The following CHCHD3 variants were observed in gnomAD, a reference collection of about 807,000 sequenced individuals.
CHCHD3 encodes coiled-coil-helix-coiled-coil-helix domain containing 3.
A neutral mutation model predicts 38.2 loss-of-function variants in CHCHD3; 20 were observed. That is an observed-to-expected ratio of 0.52 (90% CI 0.37 to 0.76). CHCHD3 has a LOEUF of 0.76. Among genes scored for constraint, CHCHD3 ranks in the 30% least tolerant of loss-of-function variants. The pLI is 0.00. For synonymous variants in CHCHD3, 82 were observed against 100.0 expected (o/e 0.82, Z 1.07); for missense variants, 245 against 279.2 (o/e 0.88, Z 0.87).
chr7:132,853,844 G>T (rs1326946017), intron 5 of CHCHD3, among the ~76,000 whole-genome samples: 1 of 152,136 alleles, frequency 6.6e-6, no homozygotes, highest in Non-Finnish European at 1.5e-5. Flanking sequence ...TCACCTAACA[G>T]AAAATACCAT....
At chr7:132,853,253 T>C (rs1585572912) in intron 5 of CHCHD3, among the ~76,000 whole-genome samples, 1 of 152,122 alleles carries the variant, frequency 6.6e-6, no homozygotes, top group Non-Finnish European at 1.5e-5. Flanking sequence ...AGGCAAAGCA[T>C]CCTTAAGCTC....
chr7:132,918,490 C>A (rs1300383105), intron 4 of CHCHD3, among the ~76,000 whole-genome samples: 1 of 152,218 alleles, frequency 6.6e-6, no homozygotes, highest in African/African-American at 2.4e-5. Flanking sequence ...ATGTACTTCA[C>A]AATAAAGTTG....
chr7:132,823,264 G>A (rs914783950), intron 6 of CHCHD3, among the ~76,000 whole-genome samples: 3 of 152,042 alleles, frequency 2.0e-5, no homozygotes, highest in African/African-American at 7.2e-5. Flanking sequence ...TTTATCCATG[G>A]GGGATACATT....
intron 4 of CHCHD3, among the ~76,000 whole-genome samples, chr7:132,904,573 T>A (rs1427890682): frequency 6.6e-6 from 1 of 152,092 alleles, no homozygotes; most frequent in Non-Finnish European, 1.5e-5. Flanking sequence ...ATGGCAATCA[T>A]TAAAAAGTCA....
chr7:132,896,365 A>G lies in CHCHD3; in HGVS notation c.370-10620T>C, dbSNP rs187341674. On this transcript the variant is annotated intron_variant, in intron 4 of 7. Coordinates refer to ENST00000262570, the MANE Select transcript of CHCHD3 (RefSeq NM_017812.4). ...CATTTGTTCTGCTTGGGCAGTGACT[A>G]TGCCATACCTGTTGTTAAATATTTT... Among the ~76,000 whole-genome samples the G allele has an allele frequency of 2.6e-3, 395 of 152,332 alleles. 4 individuals are homozygous for G. Among genetic ancestry groups the G allele is most frequent in the African/African-American group, 9.0e-3 (376 of 41,568 alleles).
intron 4 of CHCHD3, chr7:132,974,171 T>C: frequency 2.2e-6 from 1 of 460,354 alleles, no homozygotes; most frequent in South Asian, 2.3e-5. Context: ...TATAGCATTA[T>C]CTAAATGTTT....
chr7:133,065,383 T>C (rs1460582013), intron 2 of CHCHD3, among the ~76,000 whole-genome samples: 4 of 152,206 alleles, frequency 2.6e-5, no homozygotes, highest in Admixed American at 1.3e-4. Flanking sequence ...CACTTTCTTA[T>C]AGTATAAAAT....
intron 5 of CHCHD3, among the ~76,000 whole-genome samples, chr7:132,868,243 G>A (rs1460409009): frequency 6.6e-6 from 1 of 152,182 alleles, no homozygotes; most frequent in Non-Finnish European, 1.5e-5. Flanking sequence ...ACGGGAAGTT[G>A]TGGGAGGAAC....
chr7:133,013,206 A>AAAAAAAAAAAAAAAAAG (rs35863843), intron 3 of CHCHD3, among the ~76,000 whole-genome samples: 1 of 108,734 alleles, frequency 9.2e-6, no homozygotes, highest in South Asian at 3.0e-4. Flanking sequence ...AAAAAAAAAA[A>AAAAAAAAAAAAAAAAAG]CATTCAGACA....
intron 4 of CHCHD3, among the ~76,000 whole-genome samples, chr7:132,957,965 G>A (rs758115239): frequency 6.6e-5 from 10 of 152,136 alleles, no homozygotes; most frequent in South Asian, 2.1e-4. Flanking sequence ...ACAGACTTAC[G>A]AATCAACCAA....
chr7:132,972,088 G>T (rs538895414), intron 4 of CHCHD3, among the ~76,000 whole-genome samples: 83 of 152,286 alleles, frequency 5.5e-4, no homozygotes, highest in African/African-American at 1.9e-3. Flanking sequence ...ATGGGGAAGG[G>T]AGAAAGAACT....
chr7:132,916,339 A>C (rs1207983867), intron 4 of CHCHD3, among the ~76,000 whole-genome samples: 6 of 152,198 alleles, frequency 3.9e-5, no homozygotes, highest in African/African-American at 1.4e-4. Flanking sequence ...AATCTTATTG[A>C]GAAGCCTCTT....
intron 2 of CHCHD3, among the ~76,000 whole-genome samples, chr7:133,060,817 G>A (rs987239218): frequency 4.6e-5 from 7 of 152,286 alleles, no homozygotes; most frequent in African/African-American, 1.7e-4. Context: ...GGCTGAGGCA[G>A]GAGAATCACT....
intron 3 of CHCHD3, among the ~76,000 whole-genome samples, chr7:132,976,131 T>G (rs1811761969): frequency 1.3e-5 from 2 of 152,154 alleles, no homozygotes; most frequent in Admixed American, 6.5e-5. Flanking sequence ...ATGGAACTAA[T>G]AAGGACATCT....
At chr7:133,016,237 T>A (rs753767252) in intron 3 of CHCHD3, among the ~76,000 whole-genome samples, 2 of 152,134 alleles carry the variant, frequency 1.3e-5, no homozygotes, top group South Asian at 2.1e-4. Flanking sequence ...ATAGTTGAAA[T>A]GAATGAAAAT....
chr7:132,823,556 C>T (rs1020072721), intron 6 of CHCHD3, among the ~76,000 whole-genome samples: 1 of 152,020 alleles, frequency 6.6e-6, no homozygotes, highest in African/African-American at 2.4e-5. Flanking sequence ...AGTAAGTCTC[C>T]AGGAAGGATA....
chr7:132,892,183 G>T (rs1034658971), intron 4 of CHCHD3, among the ~76,000 whole-genome samples: 1 of 152,196 alleles, frequency 6.6e-6, no homozygotes, highest in African/African-American at 2.4e-5. Flanking sequence ...GAAGATATGG[G>T]AAAGTCTGGA....
At chr7:132,837,160 A>G (rs1807806659) in intron 6 of CHCHD3, among the ~76,000 whole-genome samples, 1 of 152,232 alleles carries the variant, frequency 6.6e-6, no homozygotes, top group African/African-American at 2.4e-5. Flanking sequence ...TCCGAAATTT[A>G]GCTGTTTTTA....
At chr7:132,853,955 G>A (rs1808282574) in intron 5 of CHCHD3, among the ~76,000 whole-genome samples, 1 of 152,116 alleles carries the variant, frequency 6.6e-6, no homozygotes, top group Non-Finnish European at 1.5e-5. Context: ...AAACTTGAAA[G>A]ACAAAGATTG....
Sources: gnomAD v4.1 joint callset for allele counts (sites outside exome capture counted in the v4.1 genomes callset) on GRCh38, gnomAD v4.1.1 for gene constraint, MANE v1.5 for transcripts, NCBI Gene and HGNC (gene_info 2026-07-23, HGNC 2026-07-21) for gene names.